Variants in MARK3 observed in about 807,000 individuals in gnomAD.
MARK3 encodes microtubule affinity regulating kinase 3, also known as MAP/microtubule affinity-regulating kinase 3.
MARK3 carries 46 observed loss-of-function variants against 90.1 expected under a neutral mutation model. The ratio of observed to expected loss-of-function variants is 0.51; its 90% CI spans 0.40 to 0.65. The LOEUF (loss-of-function observed/expected upper bound fraction) is 0.65, where lower values mean the gene tolerates loss of function less well. Ranked by LOEUF, MARK3 falls within the 30% of genes least tolerant of loss-of-function variation. MARK3 has a pLI of 0.00. For synonymous variants in MARK3, 321 were observed against 332.6 expected (o/e 0.97, Z 0.38); for missense variants, 818 against 947.2 (o/e 0.86, Z 1.79).
chr14:103,484,184 CT>C (rs1419167840), intron 14 of MARK3, among the ~76,000 whole-genome samples: 2 of 133,582 alleles, frequency 1.5e-5, no homozygotes, highest in African/African-American at 2.8e-5. Context: ...TTCTTTTTTT[CT>C]TTTTTTTTCT....
At chr14:103,431,973 G>GT (rs141155934) in intron 3 of MARK3, among the ~76,000 whole-genome samples, 18 of 148,868 alleles carry the variant, frequency 1.2e-4, no homozygotes, top group African/African-American at 4.4e-4. Context: ...ACTTGGAATT[G>GT]TTTCCCCCCT....
chr14:103,463,120 C>T (rs1224806213), intron 7 of MARK3, among the ~76,000 whole-genome samples: 5 of 147,786 alleles, frequency 3.4e-5, no homozygotes, highest in African/African-American at 1.3e-4. Context: ...TCACCAGCAG[C>T]ATTTACACAT....
intron 15 of MARK3, among the ~76,000 whole-genome samples, chr14:103,492,546 G>A (rs1297407560): frequency 6.6e-6 from 1 of 152,158 alleles, no homozygotes; most frequent in Non-Finnish European, 1.5e-5. Flanking sequence ...TATATTGAGA[G>A]CAAGGTAATG....
At chr14:103,444,250 C>T (rs1162751496) in intron 3 of MARK3, among the ~76,000 whole-genome samples, 3 of 151,868 alleles carry the variant, frequency 2.0e-5, no homozygotes, top group African/African-American at 7.3e-5. Context: ...GATTTAGTGT[C>T]CTTGATATCC....
chr14:103,390,121 G>A (rs1315726660), intron 1 of MARK3, among the ~76,000 whole-genome samples: 2 of 151,184 alleles, frequency 1.3e-5, no homozygotes, highest in African/African-American at 2.4e-5. Context: ...GGTGGCAGGT[G>A]CCTGTAGTCC....
intron 4 of MARK3, 53 bp from the exon 5 acceptor site, chr14:103,451,865 T>G (rs1231743307): frequency 7.9e-7 from 1 of 1,261,502 alleles, no homozygotes; most frequent in African/African-American, 1.5e-5. Flanking sequence ...GTGCATGGTT[T>G]GTGCATACAG....
intron 2 of MARK3, chr14:103,412,802 G>A (rs1244859655): frequency 2.5e-6 from 1 of 399,462 alleles, no homozygotes; most frequent in Admixed American, 3.6e-5. Context: ...GGGTTTAGTT[G>A]GTTTTATAAA....
Position 103,475,185 on chromosome 14 carries a change from G to T in MARK3, c.1457G>T (p.Arg486Leu), listed in dbSNP as rs117953446. 7 of 1,613,442 alleles carry T rather than the reference G, an allele frequency of 4.3e-6. No homozygotes were observed. The South Asian group carries it at 7.7e-5, about 18-fold the overall frequency. The stretch of plus-strand genomic sequence containing the variant: ...CCTAATAAGGCGGATATTCCTGAAC[G>T]CAAGAAAAGCTCCACTGTCCCTAGT... ...SNPNKADIPERKKSSTVPSSN... is the reference protein window; with the variant it reads ...SNPNKADIPELKKSSTVPSSN... Residue 486 changes from arginine (R) to leucine (L), a missense_variant, in exon 13 of 18, where the codon CGC becomes CTC. Coordinates refer to ENST00000429436, the MANE Select transcript of MARK3 (RefSeq NM_001128918.3).
At chr14:103,502,162 A>G (rs780431564) in intron 17 of MARK3, among the ~76,000 whole-genome samples, 2 of 152,246 alleles carry the variant, frequency 1.3e-5, no homozygotes, top group Non-Finnish European at 2.9e-5. Context: ...CCTCTTGGAC[A>G]TCAGACCAAG....
At chr14:103,455,310 T>C (rs755236615) in intron 5 of MARK3, among the ~76,000 whole-genome samples, 1 of 152,254 alleles carries the variant, frequency 6.6e-6, no homozygotes, top group Non-Finnish European at 1.5e-5. Flanking sequence ...TGTGCTTTTC[T>C]GCAAATAGGT....
rs1555399335 is a variant in MARK3, at chr14:103,478,004, A to AAAG, written c.1483-2381_1483-2380insGAA. 3.5e-3 allele frequency among the ~76,000 whole-genome samples: 520 copies of AAAG among 150,464 alleles called. 3 individuals carry two copies. The highest frequency in any genetic ancestry group is 0.012 in the African/African-American group (497 of 40,986). On this transcript the variant is annotated intron_variant, in intron 13 of 17. Coordinates refer to ENST00000429436, the MANE Select transcript of MARK3 (RefSeq NM_001128918.3). ...ACAGAGCAAGACCCTGTCCTTAAAA[A>AAAG]AAAAAAAAGTGGCCGGGCGCAGTGG...
intron 2 of MARK3, among the ~76,000 whole-genome samples, chr14:103,411,931 A>G (rs1426483045): frequency 8.3e-6 from 1 of 120,746 alleles, no homozygotes; most frequent in Non-Finnish European, 1.7e-5. Context: ...AATGACTCTT[A>G]TTTTTCAAAA....
Position 103,491,912 on chromosome 14 carries a change from C to A in MARK3, c.1722C>A (p.Thr574=), listed in dbSNP as rs751734060. The part of the protein sequence containing the change: ...TFHGQPRERR[T]ATYNGPPASP... ...ACGGCCAGCCCCGGGAACGGCGAAC[C>A]GCAACATATAATGGCCCTCCTGCCT... Residue 574 remains threonine (T), a synonymous_variant, in exon 15 of 18, where the codon ACC becomes ACA. Coordinates refer to ENST00000429436, the MANE Select transcript of MARK3 (RefSeq NM_001128918.3). The A allele has an allele frequency of 1.2e-6, 2 of 1,614,140 alleles. No individual in the cohort carries two copies. The highest frequency in any genetic ancestry group is 3.3e-5 in the Admixed American group (2 of 60,002).
intron 1 of MARK3, among the ~76,000 whole-genome samples, chr14:103,390,918 C>T (rs1323709548): frequency 6.6e-6 from 1 of 152,090 alleles, no homozygotes; most frequent in African/African-American, 2.4e-5. Context: ...CCTGTATTGC[C>T]CAAGGTGGTC....
chr14:103,421,798 T>C (rs2092232928), intron 2 of MARK3, among the ~76,000 whole-genome samples: 1 of 152,196 alleles, frequency 6.6e-6, no homozygotes, highest in South Asian at 2.1e-4. Flanking sequence ...GTCTTTGTTC[T>C]TCAGTGGGCC....
At chr14:103,456,925 G>A (rs1301626251) in intron 5 of MARK3, among the ~76,000 whole-genome samples, 2 of 152,128 alleles carry the variant, frequency 1.3e-5, no homozygotes, top group Non-Finnish European at 2.9e-5. Context: ...TAAGTATAGG[G>A]AATTTAATTT....
intron 5 of MARK3, among the ~76,000 whole-genome samples, chr14:103,453,874 G>C (rs2093213600): frequency 6.6e-6 from 1 of 152,232 alleles, no homozygotes; most frequent in African/African-American, 2.4e-5. Context: ...AGGCTGGGAA[G>C]TCTCACTGTG....
chr14:103,465,943 C>G, intron 8 of MARK3, 29 bp from the exon 9 acceptor site: 1 of 1,600,944 alleles, frequency 6.2e-7, no homozygotes, highest in Non-Finnish European at 8.5e-7. Flanking sequence ...TTGACTTACT[C>G]GTTTTCTTTC....
chr14:103,476,027 G>T (rs2093708905), intron 13 of MARK3, among the ~76,000 whole-genome samples: 1 of 151,924 alleles, frequency 6.6e-6, no homozygotes, highest in Admixed American at 6.6e-5. Context: ...TCCAAATACT[G>T]TTTTCTCCTA....
Sources: gnomAD v4.1 joint callset for allele counts (sites outside exome capture counted in the v4.1 genomes callset) on GRCh38, gnomAD v4.1.1 for gene constraint, MANE v1.5 for transcripts, NCBI Gene and HGNC (gene_info 2026-07-23, HGNC 2026-07-21) for gene names.